Variants in UBE2E2 observed in about 807,000 individuals in gnomAD.
UBE2E2 encodes the protein ubiquitin-conjugating enzyme E2 E2.
In UBE2E2, 6 loss-of-function variants were observed where a neutral mutation model predicts 24.7. The observed-to-expected ratio is 0.24, with a 90% CI of 0.13 to 0.48. UBE2E2 has a LOEUF of 0.48. UBE2E2 is among the 20% of genes least tolerant of loss of function. The probability of loss-of-function intolerance (pLI) is 0.99; values close to 1 mark genes in which losing one functional copy is unlikely to be tolerated. For synonymous variants in UBE2E2, 104 were observed against 83.6 expected (o/e 1.24, Z -1.33); for missense variants, 169 against 245.0 (o/e 0.69, Z 2.07).
At chr3:23,303,262 T>A (rs1260415697) in intron 3 of UBE2E2, among the ~76,000 whole-genome samples, 1 of 152,088 alleles carries the variant, frequency 6.6e-6, no homozygotes. Context: ...GATTCTACAT[T>A]ATAGTGAGTT....
intron 3 of UBE2E2, among the ~76,000 whole-genome samples, chr3:23,297,827 G>C (rs1307470454): frequency 6.6e-6 from 1 of 152,136 alleles, no homozygotes; most frequent in Non-Finnish European, 1.5e-5. Context: ...TGTGAAAAAA[G>C]TCATTGGTAG....
At chr3:23,273,937 T>TA (rs1698316669) in intron 3 of UBE2E2, 1 of 152,286 alleles carries the variant, frequency 6.6e-6, no homozygotes, top group South Asian at 2.1e-4. Context: ...ATATATGTAA[T>TA]AAAGTGTGAT....
intron 3 of UBE2E2, among the ~76,000 whole-genome samples, chr3:23,460,412 C>T (rs1245915829): frequency 6.6e-6 from 1 of 152,144 alleles, no homozygotes; most frequent in Non-Finnish European, 1.5e-5. Context: ...AACCTCTGTT[C>T]TGTTTCCTCA....
At chr3:23,308,202 A>G (rs1224614459) in intron 3 of UBE2E2, among the ~76,000 whole-genome samples, 1 of 152,228 alleles carries the variant, frequency 6.6e-6, no homozygotes, top group Admixed American at 6.5e-5. Flanking sequence ...TTACTTTGGA[A>G]TTATTGTCAG....
rs1698082171 is a variant in UBE2E2 at position 23,432,412 on chromosome 3, C to T, written c.228-67196C>T. 2.0e-5 allele frequency among the ~76,000 whole-genome samples: 3 copies of T among 152,006 alleles called. No homozygotes were observed. In the South Asian group the frequency reaches 6.2e-4, roughly 32 times the overall value. On this transcript the variant is annotated intron_variant, in intron 3 of 5. Transcript: ENST00000396703. ...AGCATCAGCATTTAAAAGCAAATTT[C>T]TAGAAATGATTACTATAGGACTTTA...
chr3:23,352,993 C>T (rs369694268), intron 3 of UBE2E2, among the ~76,000 whole-genome samples: 4,384 of 152,256 alleles, frequency 0.029, 106 homozygotes, highest in East Asian at 0.13. Context: ...CAATAAAATA[C>T]TAGCAAACCG....
intron 5 of UBE2E2, among the ~76,000 whole-genome samples, chr3:23,586,470 A>AT (rs929513469): frequency 1.3e-5 from 2 of 151,470 alleles, no homozygotes; most frequent in African/African-American, 4.9e-5. Context: ...AATTTTTGTT[A>AT]TTTTTTTGTG....
intron 3 of UBE2E2, among the ~76,000 whole-genome samples, chr3:23,267,454 GA>G (rs1422257841): frequency 5.9e-5 from 9 of 152,182 alleles, no homozygotes; most frequent in African/African-American, 2.2e-4. Flanking sequence ...AAAAAATCTA[GA>G]AGAAATGGAT....
rs74787665 is a variant in UBE2E2 at position 23,427,259 on chromosome 3, CAAAAAAA to C, written c.228-72334_228-72328del. 7.4e-3 allele frequency among the ~76,000 whole-genome samples: 652 copies of C among 88,484 alleles called. 2 individuals carry two copies. The highest frequency in any genetic ancestry group is 9.9e-3 in the Non-Finnish European group (417 of 42,320). 58.0% of individuals were successfully genotyped at this position (88,484 alleles called of 152,430 possible). A position where few individuals can be genotyped will look rare whatever the true frequency, so the allele number is the denominator to read the frequency against. On this transcript the variant is annotated intron_variant, in intron 3 of 5. Coordinates refer to ENST00000396703, the MANE Select transcript of UBE2E2 (RefSeq NM_152653.4). Reference sequence around the variant, plus strand: ...CAACATGTTGAAACCCCATCTCTACCAAAAAAAAAAAAAAAAAAAAATTAGCCAGGTG... The same window carrying C: ...CAACATGTTGAAACCCCATCTCTACCAAAAAAAAAAAAAATTAGCCAGGTG...
chr3:23,273,581 A>G (rs554623119), intron 3 of UBE2E2, among the ~76,000 whole-genome samples: 77 of 152,174 alleles, frequency 5.1e-4, no homozygotes, highest in Admixed American at 1.2e-3. Context: ...CTTGAATGAC[A>G]TTGTTATAAC....
chr3:23,433,651 C>CT (rs34224623), intron 3 of UBE2E2, among the ~76,000 whole-genome samples: 9,786 of 146,644 alleles, frequency 0.067, 442 homozygotes, highest in Non-Finnish European at 0.089. Flanking sequence ...GTCTTTATGA[C>CT]TTTTTTTTTT....
In UBE2E2 at chr3:23,590,018, G is replaced by A. The variant is rs1029628551; in HGVS notation, c.*187G>A. 1.1e-4 allele frequency: 57 copies of A among 527,400 alleles called. No individual in the cohort carries two copies. Among genetic ancestry groups the A allele is most frequent in the Admixed American group, 3.8e-4 (12 of 31,366 alleles). 32.7% of individuals were successfully genotyped at this position (527,400 alleles called of 1,614,324 possible). On this transcript the variant is annotated 3_prime_UTR_variant, in exon 6 of 6. Coordinates refer to ENST00000396703, the MANE Select transcript of UBE2E2 (RefSeq NM_152653.4). ...TCCTGCCCCCCTTCCTCTCTCCCAC[G>A]CTCTCTTTTATCTCTCATTTTATTC...
At chr3:23,427,315 A>G (rs1434237203) in intron 3 of UBE2E2, among the ~76,000 whole-genome samples, 6 of 151,868 alleles carry the variant, frequency 4.0e-5, no homozygotes, top group African/African-American at 1.5e-4. Flanking sequence ...CTGTAGTTCC[A>G]GCTATTTGGG....
At chr3:23,393,794 T>C (rs1038591952) in intron 3 of UBE2E2, among the ~76,000 whole-genome samples, 1 of 152,118 alleles carries the variant, frequency 6.6e-6, no homozygotes, top group African/African-American at 2.4e-5. Flanking sequence ...AAAAATCAAA[T>C]GACTATTATA....
intron 5 of UBE2E2, among the ~76,000 whole-genome samples, chr3:23,585,276 G>A (rs1484285975): frequency 6.6e-6 from 1 of 151,110 alleles, no homozygotes; most frequent in Admixed American, 6.6e-5. Context: ...AGAAGTTGAG[G>A]CAGGAGGATT....
At chr3:23,565,040 C>T (rs924296311) in intron 5 of UBE2E2, among the ~76,000 whole-genome samples, 3 of 152,008 alleles carry the variant, frequency 2.0e-5, no homozygotes, top group Admixed American at 6.6e-5. Context: ...CTTGAAGAAC[C>T]GAAAATTCCT....
At chr3:23,387,577 A>G (rs1233438663) in intron 3 of UBE2E2, among the ~76,000 whole-genome samples, 2 of 152,172 alleles carry the variant, frequency 1.3e-5, no homozygotes, top group African/African-American at 2.4e-5. Flanking sequence ...TAGTCTGGCA[A>G]TTTTGTATAA....
intron 3 of UBE2E2, among the ~76,000 whole-genome samples, chr3:23,414,637 G>C (rs1697580671): frequency 6.6e-6 from 1 of 152,176 alleles, no homozygotes; most frequent in African/African-American, 2.4e-5. Flanking sequence ...TTTGGAGGAG[G>C]ATGCTATGAT....
chr3:23,320,743 A>C (rs767752920), intron 3 of UBE2E2, among the ~76,000 whole-genome samples: 4 of 152,134 alleles, frequency 2.6e-5, no homozygotes, highest in Admixed American at 2.0e-4. Flanking sequence ...ACTAGGGATT[A>C]TTGTGGCTTT....
Sources: allele counts gnomAD v4.1 joint callset (sites outside exome capture counted in the v4.1 genomes callset), GRCh38; gene constraint gnomAD v4.1.1; transcripts MANE v1.5; gene names NCBI Gene and HGNC (gene_info 2026-07-23, HGNC 2026-07-21).